Variants in PIK3C2G observed in about 807,000 individuals in gnomAD.
The protein encoded by PIK3C2G is phosphatidylinositol-4-phosphate 3-kinase catalytic subunit type 2 gamma, also known as phosphatidylinositol 3-kinase C2 domain-containing subunit gamma.
In PIK3C2G, 168 loss-of-function variants were observed where a neutral mutation model predicts 181.1. That is an observed-to-expected ratio of 0.93 (90% CI 0.82 to 1.05). The LOEUF is 1.05. Among genes scored for constraint, PIK3C2G ranks in the 50% least tolerant of loss-of-function variants. The probability of loss-of-function intolerance (pLI) is 0.00; values close to 1 mark genes in which losing one functional copy is unlikely to be tolerated. For missense variants in PIK3C2G, 1,869 were observed against 1,732.8 expected, an observed-to-expected ratio of 1.08 and a Z score of -1.40; for synonymous variants, 573 against 592.2, an observed-to-expected ratio of 0.97 and a Z score of 0.47.
chr12:18,440,036 TAGGTGTCTCACTTTA>T (rs1172241910), intron 18 of PIK3C2G, among the ~76,000 whole-genome samples: 3 of 152,124 alleles, frequency 2.0e-5, no homozygotes, highest in African/African-American at 7.2e-5. Context: ...TACTATTTAT[TAGGTGTCTCACTTTA>T]AGCAAGATAC....
In PIK3C2G at chr12:18,634,352, G is replaced by A. The variant is rs149957246; in HGVS notation, c.4183-6077G>A. ...CCAAGAAAGAGGCACAATGACTAGT[G>A]GGCCTATGGGATTTTGGAGGCAACG... On this transcript the variant is annotated intron_variant, in intron 31 of 32. Coordinates refer to ENST00000538779, the MANE Select transcript of PIK3C2G (RefSeq NM_001288772.2). Among the ~76,000 whole-genome samples, 611 of 152,260 alleles carry A rather than the reference G, an allele frequency of 4.0e-3. 1 individual carries two copies. The highest frequency in any genetic ancestry group is 0.014 in the African/African-American group (589 of 41,560).
chr12:18,575,136 T>G (rs1163918891), intron 29 of PIK3C2G, among the ~76,000 whole-genome samples: 3 of 152,178 alleles, frequency 2.0e-5, no homozygotes, highest in Non-Finnish European at 4.4e-5. Context: ...CAATCAGGAC[T>G]GCATTAGATT....
At chr12:18,617,657 C>T (rs1948664075) in intron 31 of PIK3C2G, among the ~76,000 whole-genome samples, 1 of 152,070 alleles carries the variant, frequency 6.6e-6, no homozygotes, top group African/African-American at 2.4e-5. Flanking sequence ...CTGTTCTTGC[C>T]AGATACTGCC....
intron 31 of PIK3C2G, among the ~76,000 whole-genome samples, chr12:18,636,473 C>A (rs1278195377): frequency 6.6e-6 from 1 of 152,116 alleles, no homozygotes; most frequent in Non-Finnish European, 1.5e-5. Flanking sequence ...TCATGTGATC[C>A]ACCCACCTCG....
At chr12:18,338,941 A>T (rs1208923378) in intron 9 of PIK3C2G, among the ~76,000 whole-genome samples, 1 of 152,096 alleles carries the variant, frequency 6.6e-6, no homozygotes, top group Admixed American at 6.6e-5. Flanking sequence ...TCTCATGTAT[A>T]CGAGTGTATA....
At chr12:18,540,048 C>T (rs1331628790) in intron 25 of PIK3C2G, among the ~76,000 whole-genome samples, 1 of 151,634 alleles carries the variant, frequency 6.6e-6, no homozygotes, top group Admixed American at 6.6e-5. Context: ...GATTCTGACC[C>T]CATTTAAATA....
chr12:18,687,955 G>A, the PIK3C2G span: 1 of 1,147,156 alleles, frequency 8.7e-7, no homozygotes, highest in Non-Finnish European at 1.2e-6. Flanking sequence ...ATAACATTTT[G>A]CTAATTTTGG....
intron 8 of PIK3C2G, among the ~76,000 whole-genome samples, chr12:18,325,535 C>G: frequency 6.6e-6 from 1 of 151,784 alleles, no homozygotes; most frequent in East Asian, 1.9e-4. Flanking sequence ...GGTGAAACCC[C>G]GTCTCTACTA....
At chr12:18,721,763 T>C in the PIK3C2G span, among the ~76,000 whole-genome samples, 1 of 151,480 alleles carries the variant, frequency 6.6e-6, no homozygotes, top group Non-Finnish European at 1.5e-5. Flanking sequence ...TGCTTAGTGA[T>C]ATAGTCGCTT....
chr12:18,414,111 G>A (rs1945030669), intron 16 of PIK3C2G, among the ~76,000 whole-genome samples: 1 of 152,098 alleles, frequency 6.6e-6, no homozygotes, highest in Non-Finnish European at 1.5e-5. Context: ...TTCTATGTTA[G>A]AAGAAAATTT....
chr12:18,486,716 T>C (rs931170363), intron 18 of PIK3C2G, among the ~76,000 whole-genome samples: 6 of 151,986 alleles, frequency 3.9e-5, no homozygotes, highest in Non-Finnish European at 7.4e-5. Context: ...TGACAAACAT[T>C]GATATTCAAC....
intron 18 of PIK3C2G, among the ~76,000 whole-genome samples, chr12:18,447,373 C>T (rs1947085460): frequency 6.6e-6 from 1 of 152,164 alleles, no homozygotes; most frequent in African/African-American, 2.4e-5. Flanking sequence ...TATCTTGTGA[C>T]AGAACACTCA....
the PIK3C2G span, among the ~76,000 whole-genome samples, chr12:18,691,853 T>A: frequency 6.6e-6 from 1 of 152,178 alleles, no homozygotes; most frequent in South Asian, 2.1e-4. Flanking sequence ...GCCAGCTACA[T>A]ACTTCACAGG....
intron 18 of PIK3C2G, among the ~76,000 whole-genome samples, chr12:18,467,048 C>T (rs1322509716): frequency 6.6e-6 from 1 of 151,868 alleles, no homozygotes; most frequent in East Asian, 1.9e-4. Flanking sequence ...TGGAATTTAC[C>T]ATTTTTTAGA....
intron 29 of PIK3C2G, among the ~76,000 whole-genome samples, chr12:18,582,890 C>T (rs1946575509): frequency 6.6e-6 from 1 of 151,850 alleles, no homozygotes; most frequent in Admixed American, 6.6e-5. Context: ...CCACTCTCAC[C>T]CAGTGTTTTC....
At position 18,367,095 on chromosome 12, in the gene PIK3C2G, A is replaced by G. The variant is rs144868319; in HGVS notation, c.1749-4085A>G. Among the ~76,000 whole-genome samples the G allele has an allele frequency of 6.6e-3, 1,002 of 152,340 alleles. 10 individuals are homozygous for G. Among genetic ancestry groups the G allele is most frequent in the African/African-American group, 0.023 (964 of 41,574 alleles). ...ATGAAGAAGCCAGACTTAATGGGAA[A>G]AAAAGAACATTCTAGATCATGTGAG... On this transcript the variant is annotated intron_variant, in intron 12 of 32. Transcript: ENST00000538779.
intron 18 of PIK3C2G, among the ~76,000 whole-genome samples, chr12:18,438,303 G>A (rs1019325152): frequency 4.6e-5 from 7 of 151,776 alleles, no homozygotes; most frequent in Non-Finnish European, 1.0e-4. Flanking sequence ...CGGTGACTTG[G>A]ATAATCTTCT....
chr12:18,320,819 G>T (rs372629343), intron 6 of PIK3C2G, 143 bp from the exon 7 acceptor site: 1 of 575,938 alleles, frequency 1.7e-6, no homozygotes, highest in Non-Finnish European at 3.1e-6. Context: ...GCCTTTTAAG[G>T]TCTTTCAGAC....
intron 9 of PIK3C2G, among the ~76,000 whole-genome samples, chr12:18,340,265 G>A (rs550739516): frequency 3.3e-5 from 5 of 151,642 alleles, no homozygotes; most frequent in East Asian, 1.9e-4. Flanking sequence ...ATACACTAAC[G>A]CTAACAATAG....
Sources: allele counts gnomAD v4.1 joint callset (sites outside exome capture counted in the v4.1 genomes callset), GRCh38; gene constraint gnomAD v4.1.1; transcripts MANE v1.5; gene names NCBI Gene and HGNC (gene_info 2026-07-23, HGNC 2026-07-21).